Variants in GRAMD1B observed in about 807,000 individuals in gnomAD.
The protein encoded by GRAMD1B is protein Aster-B.
In GRAMD1B, 37 loss-of-function variants were observed where a neutral mutation model predicts 99.7. That is an observed-to-expected ratio of 0.37 (90% CI 0.29 to 0.49). GRAMD1B has a LOEUF of 0.49. Ranked by LOEUF, GRAMD1B falls within the 20% of genes least tolerant of loss-of-function variation. The pLI is 0.98. For synonymous variants in GRAMD1B, 427 were observed against 387.6 expected (o/e 1.10, Z -1.19); for missense variants, 888 against 1,009.2 (o/e 0.88, Z 1.63).
At chr11:123,551,116 C>T (rs1945563290) in intron 2 of GRAMD1B, among the ~76,000 whole-genome samples, 1 of 152,122 alleles carries the variant, frequency 6.6e-6, no homozygotes, top group Admixed American at 6.5e-5. Flanking sequence ...CTGCTTTAGC[C>T]AATTCCATAA....
At chr11:123,565,373 G>A (rs1042563177) in intron 2 of GRAMD1B, among the ~76,000 whole-genome samples, 1 of 152,114 alleles carries the variant, frequency 6.6e-6, no homozygotes, top group African/African-American at 2.4e-5. Context: ...AGTTCTTACT[G>A]TGTGCCCAAT....
chr11:123,361,039 A>G (rs1001685607), intron 1 of GRAMD1B, among the ~76,000 whole-genome samples: 1 of 151,824 alleles, frequency 6.6e-6, no homozygotes, highest in Non-Finnish European at 1.5e-5. Flanking sequence ...GCTGGTCTCG[A>G]ACTCCTGACC....
At chr11:123,609,259 C>T (rs12422025) in intron 12 of GRAMD1B, among the ~76,000 whole-genome samples, 37,023 of 152,080 alleles carry the variant, frequency 0.24, 5,133 homozygotes, top group South Asian at 0.41. Context: ...TAAGAAGGAG[C>T]TAGGCCGGGC....
chr11:123,548,325 TACACACACACAC>T (rs138083511), intron 2 of GRAMD1B, among the ~76,000 whole-genome samples: 1 of 86,842 alleles, frequency 1.2e-5, no homozygotes, highest in Non-Finnish European at 2.1e-5. Context: ...TATATATATA[TACACACACACAC>T]ACACACACAC....
intron 2 of GRAMD1B, among the ~76,000 whole-genome samples, chr11:123,527,483 C>A (rs960807505): frequency 6.6e-6 from 1 of 152,102 alleles, no homozygotes; most frequent in African/African-American, 2.4e-5. Context: ...CATCAGTTAT[C>A]CCCCAGCCGG....
intron 2 of GRAMD1B, among the ~76,000 whole-genome samples, chr11:123,526,922 G>A (rs772619658): frequency 6.6e-5 from 10 of 152,298 alleles, no homozygotes; most frequent in African/African-American, 7.2e-5. Context: ...GAGATTGCAC[G>A]GGCAGGTGAA....
intron 3 of GRAMD1B, among the ~76,000 whole-genome samples, chr11:123,583,171 GGTGT>G (rs888875881): frequency 6.6e-6 from 1 of 151,834 alleles, no homozygotes; most frequent in Non-Finnish European, 1.5e-5. Context: ...ATGTGTGGGT[GGTGT>G]GTATGTGTTT....
intron 1 of GRAMD1B, among the ~76,000 whole-genome samples, chr11:123,364,643 C>A (rs1946257504): frequency 6.6e-6 from 1 of 152,150 alleles, no homozygotes; most frequent in Non-Finnish European, 1.5e-5. Flanking sequence ...ACTTCCTTTA[C>A]TATGTCATTT....
intron 2 of GRAMD1B, among the ~76,000 whole-genome samples, chr11:123,567,750 T>C (rs909424565): frequency 1.7e-4 from 26 of 152,138 alleles, no homozygotes; most frequent in African/African-American, 6.3e-4. Flanking sequence ...ACTCCAGCCA[T>C]GGTGATGAAG....
chr11:123,400,868 G>T (rs762117412), intron 1 of GRAMD1B, among the ~76,000 whole-genome samples: 1 of 152,120 alleles, frequency 6.6e-6, no homozygotes, highest in Non-Finnish European at 1.5e-5. Context: ...GCTGAGCAGG[G>T]AGCTGGGTGC....
chr11:123,545,414 G>A (rs1944952132), intron 2 of GRAMD1B, among the ~76,000 whole-genome samples: 1 of 152,178 alleles, frequency 6.6e-6, no homozygotes, highest in African/African-American at 2.4e-5. Flanking sequence ...CCCAAACCTG[G>A]CTAGTCATCA....
chr11:123,369,919 G>A (rs972546033), intron 1 of GRAMD1B, among the ~76,000 whole-genome samples: 3 of 151,914 alleles, frequency 2.0e-5, no homozygotes, highest in Non-Finnish European at 2.9e-5. Context: ...TCTATAAGGG[G>A]AGAGAAGGAA....
At position 123,587,841 on chromosome 11, in the gene GRAMD1B, T is replaced by C. The variant is rs184700285; in HGVS notation, c.684+3509T>C. ...AGGAATGGAATCCAGGGTGTTGGGG[T>C]TGGGCAGCGGAGAGGGTAGGAGACC... On this transcript the variant is annotated intron_variant, in intron 4 of 19. Coordinates refer to ENST00000635736, the MANE Select transcript of GRAMD1B (RefSeq NM_001387025.1). This position sits in a 1 kb window ranked among gnomAD's most constrained non-coding sequence, Gnocchi z 4.2. Among the ~76,000 whole-genome samples, 2 of 151,948 alleles carry C rather than the reference T, an allele frequency of 1.3e-5. No homozygotes were observed. Among genetic ancestry groups the C allele is most frequent in the East Asian group, 3.9e-4 (2 of 5,168 alleles).
intron 2 of GRAMD1B, among the ~76,000 whole-genome samples, chr11:123,498,617 C>T (rs888328159): frequency 6.6e-6 from 1 of 152,178 alleles, no homozygotes; most frequent in African/African-American, 2.4e-5. Context: ...ATTCAGCCAT[C>T]TTGCTGTGTC....
chr11:123,450,811 GTC>G (rs1304644987), intron 1 of GRAMD1B, among the ~76,000 whole-genome samples: 3 of 152,166 alleles, frequency 2.0e-5, no homozygotes, highest in South Asian at 4.1e-4. Flanking sequence ...ATTAAGCTGG[GTC>G]TCTCTGCAGC....
chr11:123,526,828 C>T (rs1370957953), intron 2 of GRAMD1B, among the ~76,000 whole-genome samples: 2 of 152,168 alleles, frequency 1.3e-5, no homozygotes, highest in Admixed American at 6.5e-5. Flanking sequence ...TAGCTGTATT[C>T]TAGCTACAGA....
intron 2 of GRAMD1B, among the ~76,000 whole-genome samples, chr11:123,503,884 A>C (rs933244426): frequency 1.3e-5 from 2 of 152,202 alleles, no homozygotes; most frequent in Non-Finnish European, 2.9e-5. Context: ...TTTTCACTTA[A>C]ATCTTACCAT....
At chr11:123,386,369 T>G (rs544812705) in intron 1 of GRAMD1B, among the ~76,000 whole-genome samples, 4 of 152,148 alleles carry the variant, frequency 2.6e-5, no homozygotes, top group African/African-American at 9.6e-5. Context: ...TTTCTGCTTT[T>G]GAGGCACTCA....
chr11:123,618,335 C>G (rs376583397), intron 17 of GRAMD1B: 1 of 1,612,294 alleles, frequency 6.2e-7, no homozygotes, highest in Non-Finnish European at 8.5e-7. Flanking sequence ...TTCTTCCTTG[C>G]TCCCATTAGG....
Sources: allele counts gnomAD v4.1 joint callset (sites outside exome capture counted in the v4.1 genomes callset), GRCh38; gene constraint gnomAD v4.1.1; non-coding constraint Gnocchi (gnomAD v3.1); transcripts MANE v1.5; gene names NCBI Gene and HGNC (gene_info 2026-07-23, HGNC 2026-07-21).